COL6A6: variants seen among roughly 807,000 people sequenced by gnomAD.
COL6A6 encodes collagen alpha-6(VI) chain.
COL6A6 carries 183 observed loss-of-function variants against 208.6 expected under a neutral mutation model. The observed-to-expected ratio is 0.88, with a 90% CI of 0.78 to 0.99. COL6A6 has a LOEUF of 0.99. Among genes scored for constraint, COL6A6 ranks in the 50% least tolerant of loss-of-function variants. COL6A6 has a pLI of 0.00. For missense variants in COL6A6, 2,816 were observed against 2,815.2 expected (o/e 1.00, Z -0.01); for synonymous variants, 973 against 1,011.8 (o/e 0.96, Z 0.73).
At chr3:130,520,015 G>A (rs984702134) in intron 1 of COL6A6, among the ~76,000 whole-genome samples, 5 of 152,178 alleles carry the variant, frequency 3.3e-5, no homozygotes, top group African/African-American at 1.2e-4. Context: ...TTTAGGGCCT[G>A]TCACTCTGGC....
intron 10 of COL6A6, among the ~76,000 whole-genome samples, chr3:130,585,825 T>G (rs1265654702): frequency 1.3e-5 from 2 of 152,236 alleles, no homozygotes; most frequent in Non-Finnish European, 2.9e-5. Context: ...ACCTGGGGAT[T>G]TTGTTAAAAT....
intron 21 of COL6A6, 139 bp from the exon 22 acceptor site, chr3:130,608,763 C>CCTTTTTTTTTTTTTTTTTTT: frequency 3.2e-6 from 1 of 308,646 alleles, no homozygotes; most frequent in South Asian, 3.6e-5. Flanking sequence ...TATTTTTCAC[C>CCTTTTTTTTTTTTTTTTTTT]TTTTTTTTTT....
At chr3:130,543,500 C>T (rs1350928150) in intron 1 of COL6A6, among the ~76,000 whole-genome samples, 7 of 152,142 alleles carry the variant, frequency 4.6e-5, no homozygotes, top group African/African-American at 1.4e-4. Flanking sequence ...CTTAGCATAA[C>T]AGTTACACTT....
intron 33 of COL6A6, among the ~76,000 whole-genome samples, chr3:130,652,455 G>T (rs1220756652): frequency 6.6e-6 from 1 of 152,164 alleles, no homozygotes; most frequent in South Asian, 2.1e-4. Context: ...AGTCAGAATT[G>T]CTCCCAAGTT....
intron 20 of COL6A6, among the ~76,000 whole-genome samples, chr3:130,604,127 C>T (rs1182555514): frequency 1.3e-5 from 2 of 152,142 alleles, no homozygotes; most frequent in Non-Finnish European, 2.9e-5. Context: ...AATCATCTTC[C>T]ATATTTCCTT....
rs1446875257 is a variant in COL6A6 at position 130,643,088 on chromosome 3, C to CTG, written c.5227+66_5227+67insGT. The CTG allele has an allele frequency of 5.9e-6, 9 of 1,525,378 alleles. No homozygotes were observed. The African/African-American group carries it at 1.2e-4, about 21-fold the overall frequency. The allele number at this position is 1,525,378 out of a possible 1,614,324, so 94.5% of individuals were successfully genotyped here. A position where few individuals can be genotyped will look rare whatever the true frequency, so the allele number is the denominator to read the frequency against. ...ATTCATACAAGAAAAGCAGAGAAAC[C>CTG]TACACTCAGAATTGAATTCACCAGC... is the stretch of plus-strand genomic sequence containing the variant. On this transcript the variant is annotated intron_variant, in intron 31 of 36. Transcript: ENST00000358511.
In COL6A6 at chr3:130,661,619, G is replaced by C. The variant is rs763392886; in HGVS notation, c.5831-18G>C. 1.3e-6 allele frequency: 2 copies of C among 1,577,016 alleles called. No homozygotes were observed. Among genetic ancestry groups the C allele is most frequent in the Non-Finnish European group, 1.7e-6 (2 of 1,161,536 alleles). ...TTCTATTTCTACTTAGTAACCCAGAGTAACTTTTGGTTCACAGATGTGTGC... is the reference window on the plus strand; with the variant it reads ...TTCTATTTCTACTTAGTAACCCAGACTAACTTTTGGTTCACAGATGTGTGC... On this transcript the variant is annotated intron_variant, in intron 34 of 36. Transcript: ENST00000358511.
intron 1 of COL6A6, among the ~76,000 whole-genome samples, chr3:130,547,878 A>T (rs1577668522): frequency 6.6e-6 from 1 of 152,282 alleles, no homozygotes; most frequent in East Asian, 1.9e-4. Context: ...GCTCGCTGCA[A>T]CCTTCGCCTC....
chr3:130,650,011 A>G (rs900495868), intron 33 of COL6A6, among the ~76,000 whole-genome samples: 3 of 152,216 alleles, frequency 2.0e-5, no homozygotes, highest in African/African-American at 7.2e-5. Flanking sequence ...CTGTGTGATG[A>G]GAGCCAATTT....
At chr3:130,671,041 G>A (rs573399151) in intron 36 of COL6A6, among the ~76,000 whole-genome samples, 5 of 152,314 alleles carry the variant, frequency 3.3e-5, no homozygotes, top group African/African-American at 1.2e-4. Context: ...ACTTCTGGCT[G>A]TTGGGAAAAG....
At chr3:130,636,744 C>G (rs1179225317) in intron 28 of COL6A6, among the ~76,000 whole-genome samples, 1 of 103,100 alleles carries the variant, frequency 9.7e-6, no homozygotes, top group Non-Finnish European at 2.0e-5. Context: ...CTCCCCTTCC[C>G]CCTCCCCTTC....
intron 36 of COL6A6, among the ~76,000 whole-genome samples, chr3:130,666,468 T>C (rs1302233003): frequency 6.6e-6 from 1 of 152,158 alleles, no homozygotes; most frequent in Non-Finnish European, 1.5e-5. Flanking sequence ...TGAATGAATA[T>C]ATGTGTACAT....
chr3:130,519,845 A>G (rs1464795348), intron 1 of COL6A6, among the ~76,000 whole-genome samples: 2 of 152,258 alleles, frequency 1.3e-5, no homozygotes, highest in Admixed American at 6.5e-5. Context: ...ATTGTTTCCA[A>G]TAATTTAGTT....
At chr3:130,663,028 C>T (rs1204877396) in intron 35 of COL6A6, among the ~76,000 whole-genome samples, 1 of 152,164 alleles carries the variant, frequency 6.6e-6, no homozygotes, top group African/African-American at 2.4e-5. Context: ...GACTTGCAAA[C>T]GTTTTCATGG....
intron 8 of COL6A6, among the ~76,000 whole-genome samples, chr3:130,578,278 T>TGGG (rs2063341044): frequency 6.6e-6 from 1 of 152,178 alleles, no homozygotes; most frequent in African/African-American, 2.4e-5. Context: ...TCAAGAGATG[T>TGGG]GAAAAATATA....
intron 21 of COL6A6, 71 bp downstream of exon 21, chr3:130,607,037 CT>C (rs2064203770): frequency 8.0e-7 from 1 of 1,245,872 alleles, no homozygotes; most frequent in South Asian, 1.4e-5. Flanking sequence ...AATAAAGTCT[CT>C]GTAAAGTCTC....
chr3:130,604,128 A>G (rs1652187712), intron 20 of COL6A6, among the ~76,000 whole-genome samples: 1 of 152,188 alleles, frequency 6.6e-6, no homozygotes. Flanking sequence ...ATCATCTTCC[A>G]TATTTCCTTG....
intron 23 of COL6A6, among the ~76,000 whole-genome samples, chr3:130,616,771 C>T (rs756790451): frequency 5.9e-5 from 9 of 152,076 alleles, no homozygotes; most frequent in Non-Finnish European, 1.0e-4. Context: ...AAATGGTATA[C>T]GGTCTGGAGC....
intron 1 of COL6A6, among the ~76,000 whole-genome samples, chr3:130,536,450 G>T (rs1019188562): frequency 3.3e-5 from 5 of 152,188 alleles, no homozygotes; most frequent in African/African-American, 1.2e-4. Context: ...AAGACCATAA[G>T]CAAGGAAACA....
Sources: allele counts gnomAD v4.1 joint callset (sites outside exome capture counted in the v4.1 genomes callset), GRCh38; gene constraint gnomAD v4.1.1; transcripts MANE v1.5; gene names NCBI Gene and HGNC (gene_info 2026-07-23, HGNC 2026-07-21).